Variants in DERL2 observed in about 807,000 individuals in gnomAD.
DERL2 encodes derlin-2.
In DERL2, 13 loss-of-function variants were observed where a neutral mutation model predicts 32.0. The ratio of observed to expected loss-of-function variants is 0.41; its 90% confidence interval spans 0.26 to 0.65. The LOEUF is 0.65. DERL2 is among the 30% of genes least tolerant of loss of function. DERL2 has a pLI of 0.35. For missense variants in DERL2, 208 were observed against 296.3 expected (o/e 0.70, Z 2.19); for synonymous variants, 111 against 104.7 (o/e 1.06, Z -0.37).
In DERL2 at chr17:5,481,800, C is replaced by T. The variant is rs1434165846; in HGVS notation, c.234-411G>A. ...GAGTAGCTGGGATTACAGTTGTGTG[C>T]CACCATGCCAGGCTATTTTTTGTAT... On this transcript the variant is annotated intron_variant, in intron 3 of 6. Transcript: ENST00000158771. The surrounding 1 kb of genome is among the most constrained non-coding windows in gnomAD (Gnocchi z 4.4). Among the ~76,000 whole-genome samples, 1 of 152,072 alleles carries T rather than the reference C, an allele frequency of 6.6e-6. No individual in the cohort carries two copies. The highest frequency in any genetic ancestry group is 2.4e-5 in the African/African-American group (1 of 41,404).
At chr17:5,478,872 T>C (rs62072702) in intron 6 of DERL2, among the ~76,000 whole-genome samples, 22,844 of 152,266 alleles carry the variant, frequency 0.15, 2,687 homozygotes, top group East Asian at 0.62. Context: ...CAGCCCGAAG[T>C]GCAGTGGTGC....
At chr17:5,482,634 G>C (rs1905865569) in intron 3 of DERL2, 175 bp downstream of exon 3, 2 of 495,156 alleles carry the variant, frequency 4.0e-6, no homozygotes, top group Non-Finnish European at 7.4e-6. Context: ...TTTGAACAAA[G>C]TGACCTACAG....
chr17:5,486,039 T>C (rs1357593674), intron 1 of DERL2, 30 bp downstream of exon 1: 1 of 1,596,096 alleles, frequency 6.3e-7, no homozygotes, highest in Non-Finnish European at 8.6e-7. Context: ...CCAGCCCAGA[T>C]AATGAGAAGG....
intron 1 of DERL2, 47 bp downstream of exon 1, chr17:5,486,022 G>A: frequency 1.3e-6 from 2 of 1,566,358 alleles, no homozygotes; most frequent in East Asian, 2.3e-5. Context: ...TGAAGACCCA[G>A]TCATATCCAG....
At position 5,477,040 on chromosome 17, in the gene DERL2, A is replaced by G. The variant is rs16954745; in HGVS notation, c.615-2251T>C. Among the ~76,000 whole-genome samples the G allele has an allele frequency of 1.4e-3, 206 of 152,318 alleles. 4 individuals carry two copies. The East Asian group carries it at 0.039, about 29-fold the overall frequency. Reference sequence around the variant, plus strand: ...TGGGAGAGGTGGAGACTATCCCGAAAGACTGGTTACATATGAGGGGTAATT... The same window carrying G: ...TGGGAGAGGTGGAGACTATCCCGAAGGACTGGTTACATATGAGGGGTAATT... On this transcript the variant is annotated intron_variant, in intron 6 of 6. Transcript: ENST00000158771.
chr17:5,485,324 T>C (rs1221200460), intron 1 of DERL2, 108 bp from the exon 2 acceptor site: 2 of 710,848 alleles, frequency 2.8e-6, no homozygotes, highest in African/African-American at 1.8e-5. Flanking sequence ...CACTTAGACG[T>C]GATTTCCTTT....
In DERL2 at chr17:5,486,073, G is replaced by C; in HGVS notation, c.89C>G (p.Ala30Gly). The change falls in exon 1 of 7, where the codon GCC becomes GGC. Residue 30 changes from alanine (A) to glycine (G), a missense_variant. Transcript: ENST00000158771. ...YTTACVLTTA[A>G]VQLELITPFQ... is the part of the protein sequence containing the mutation. Reference sequence around the variant, plus strand: ...GGTGGCACTGCAGCTGCTCACCACGGCGGCGGTGGTGAGGACGCAGGCAGT... The same window carrying C: ...GGTGGCACTGCAGCTGCTCACCACGCCGGCGGTGGTGAGGACGCAGGCAGT... 6.2e-7 allele frequency: 1 copy of C among 1,610,430 alleles called. No homozygotes were observed. The highest frequency in any genetic ancestry group is 8.5e-7 in the Non-Finnish European group (1 of 1,178,282).
chr17:5,482,338 C>T (rs1905844350), intron 3 of DERL2: 1 of 164,166 alleles, frequency 6.1e-6, no homozygotes, highest in South Asian at 1.6e-4. Context: ...TTCCTTTCAA[C>T]AAACCGGAAC....
intron 4 of DERL2, chr17:5,480,986 G>A (rs1905738636): frequency 1.8e-6 from 1 of 547,624 alleles, no homozygotes; most frequent in South Asian, 2.7e-5. Context: ...TTCTTTTTCT[G>A]AAAAAATAAT....
intron 3 of DERL2, chr17:5,482,343 C>G (rs564081721): frequency 6.1e-6 from 1 of 164,752 alleles, no homozygotes; most frequent in Non-Finnish European, 1.3e-5. Flanking sequence ...TTCAACAAAC[C>G]GGAACTTGAC....
chr17:5,483,711 A>G (rs1031267687), intron 2 of DERL2, among the ~76,000 whole-genome samples: 5 of 152,226 alleles, frequency 3.3e-5, no homozygotes, highest in Non-Finnish European at 7.3e-5. Flanking sequence ...TGTCCTGACC[A>G]AGGACCCGCA....
At chr17:5,485,027 G>A in intron 2 of DERL2, 124 bp downstream of exon 2, 1 of 563,750 alleles carries the variant, frequency 1.8e-6, no homozygotes, top group Middle Eastern at 3.3e-4. Context: ...TCCTGACAAG[G>A]CAACTTATAA....
intron 6 of DERL2, among the ~76,000 whole-genome samples, chr17:5,476,618 C>G (rs966472078): frequency 6.6e-6 from 1 of 152,054 alleles, no homozygotes; most frequent in Admixed American, 6.6e-5. Flanking sequence ...CCTATCTCTA[C>G]TAAAAATACA....
Position 5,486,053 on chromosome 17 carries a change from C to T in DERL2, c.93+16G>A, listed in dbSNP as rs750416446. 6.2e-7 allele frequency: 1 copy of T among 1,603,314 alleles called. No individual in the cohort carries two copies. Among genetic ancestry groups the T allele is most frequent in the Non-Finnish European group, 8.5e-7 (1 of 1,173,680 alleles). On this transcript the variant is annotated intron_variant, in intron 1 of 6. Transcript: ENST00000158771. Reference sequence around the variant, plus strand: ...TCCAGCCCAGATAATGAGAAGGTGGCACTGCAGCTGCTCACCACGGCGGCG... The same window carrying T: ...TCCAGCCCAGATAATGAGAAGGTGGTACTGCAGCTGCTCACCACGGCGGCG...
chr17:5,483,553 C>T (rs1267728892), intron 2 of DERL2, among the ~76,000 whole-genome samples: 2 of 152,152 alleles, frequency 1.3e-5, no homozygotes, highest in African/African-American at 4.8e-5. Flanking sequence ...AGTAACCACT[C>T]TCAATTGTAG....
chr17:5,481,686 G>A lies in DERL2; in HGVS notation c.234-297C>T, dbSNP rs1905795224. ...TTCTTTTGAGACAGAGTCTCGCTCTGTCACCTAGGATGGAGTGCAATGGTG... is the reference window on the plus strand; with the variant it reads ...TTCTTTTGAGACAGAGTCTCGCTCTATCACCTAGGATGGAGTGCAATGGTG... On this transcript the variant is annotated intron_variant, in intron 3 of 6. Coordinates refer to ENST00000158771, the MANE Select transcript of DERL2 (RefSeq NM_016041.5). The surrounding 1 kb of genome is among the most constrained non-coding windows in gnomAD (Gnocchi z 4.4). Among the ~76,000 whole-genome samples the A allele has an allele frequency of 6.6e-6, 1 of 150,862 alleles. No homozygotes were observed. Among genetic ancestry groups the A allele is most frequent in the Non-Finnish European group, 1.5e-5 (1 of 67,802 alleles).
At chr17:5,483,693 C>A (rs998578255) in intron 2 of DERL2, among the ~76,000 whole-genome samples, 2 of 152,194 alleles carry the variant, frequency 1.3e-5, no homozygotes, top group African/African-American at 4.8e-5. Flanking sequence ...AAAAGTTGAA[C>A]TTTTAAATGT....
In DERL2 at chr17:5,471,907, T is replaced by C. The variant is rs1436176842; in HGVS notation, c.*2777A>G. On this transcript the variant is annotated 3_prime_UTR_variant, in exon 7 of 7. Transcript: ENST00000158771. ...TGGCAATAGCTCCAATGCTTCCTTA[T>C]TTTCAGAGGCCCCAGAGACTGAGGG... The C allele has an allele frequency of 6.6e-6, 1 of 152,190 alleles. No individual in the cohort carries two copies. The highest frequency in any genetic ancestry group is 1.5e-5 in the Non-Finnish European group (1 of 68,044). The allele number at this position is 152,190 out of a possible 1,614,324, so 9.4% of individuals were successfully genotyped here. A position where few individuals can be genotyped will look rare whatever the true frequency, so the allele number is the denominator to read the frequency against.
In DERL2 at chr17:5,480,580, A is replaced by G. The variant is rs887425172; in HGVS notation, c.330T>C (p.Leu110=). 1 of 1,496,034 alleles carries G rather than the reference A, an allele frequency of 6.7e-7. No individual in the cohort carries two copies. Among genetic ancestry groups the G allele is most frequent in the Non-Finnish European group, 8.9e-7 (1 of 1,127,606 alleles). 92.7% of individuals were successfully genotyped at this position (1,496,034 alleles called of 1,614,324 possible). ...AAACTAAGCTCACAAACAGACCAAA[A>G]AGCTAGCAGATGGCATTAAGGAAAA... ...MFLFGGFLMT[L]FGLFVSLVFL... The change falls in exon 5 of 7, where the codon CTT becomes CTC. Residue 110 remains leucine (L), a splice_region_variant and synonymous_variant. Coordinates refer to ENST00000158771, the MANE Select transcript of DERL2 (RefSeq NM_016041.5).
Sources: allele counts gnomAD v4.1 joint callset (sites outside exome capture counted in the v4.1 genomes callset), GRCh38; gene constraint gnomAD v4.1.1; non-coding constraint Gnocchi (gnomAD v3.1); transcripts MANE v1.5; gene names NCBI Gene and HGNC (gene_info 2026-07-23, HGNC 2026-07-21).